The following FOCAD variants were observed in gnomAD, a reference collection of about 807,000 sequenced individuals.
FOCAD encodes KIAA1797.
In FOCAD, 198 loss-of-function variants were observed where a neutral mutation model predicts 225.6. That is an observed-to-expected ratio of 0.88 (90% CI 0.78 to 0.99). The LOEUF (loss-of-function observed/expected upper bound fraction) is 0.99. Among genes scored for constraint, FOCAD ranks in the 50% least tolerant of loss-of-function variants. FOCAD has a pLI of 0.00. For synonymous variants in FOCAD, 897 were observed against 755.0 expected, an observed-to-expected ratio of 1.19 and a Z score of -3.08; for missense variants, 2,713 against 2,123.6, an observed-to-expected ratio of 1.28 and a Z score of -5.46.
At chr9:20,905,129 T>A (rs533134298) in intron 21 of FOCAD, among the ~76,000 whole-genome samples, 2 of 151,972 alleles carry the variant, frequency 1.3e-5, no homozygotes, top group Non-Finnish European at 2.9e-5. Flanking sequence ...GCTGACTCCA[T>A]AGAACACTAA....
rs575580021 is a variant in FOCAD, at chr9:20,684,259, A to G, written c.-67A>G. ...GGCGGCGGGGCGGGCCACGTCAGGC[A>G]GCCGGCGCTGGGCTGAGCTTGTGGC... On this transcript the variant is annotated 5_prime_UTR_variant, in exon 1 of 44. Transcript: ENST00000338382. 1.0e-4 allele frequency: 16 copies of G among 152,564 alleles called. No individual in the cohort carries two copies. In the East Asian group the frequency reaches 2.9e-3, roughly 28 times the overall value. 9.5% of individuals were successfully genotyped at this position (152,564 alleles called of 1,614,324 possible).
At chr9:20,822,278 C>T (rs1477790145) in intron 14 of FOCAD, among the ~76,000 whole-genome samples, 2 of 151,872 alleles carry the variant, frequency 1.3e-5, no homozygotes, top group Non-Finnish European at 2.9e-5. Flanking sequence ...GACAGTGAAA[C>T]AATAGATTTC....
intron 28 of FOCAD, among the ~76,000 whole-genome samples, chr9:20,935,331 C>T (rs1013978281): frequency 1.3e-5 from 2 of 152,120 alleles, no homozygotes; most frequent in Non-Finnish European, 2.9e-5. Context: ...TTTTGACTTA[C>T]GTTTATCATA....
chr9:20,769,162 C>A (rs369168259), intron 7 of FOCAD, among the ~76,000 whole-genome samples: 2 of 152,028 alleles, frequency 1.3e-5, no homozygotes, highest in African/African-American at 4.8e-5. Flanking sequence ...TCTGCTATTT[C>A]TTCTCTTTGA....
intron 15 of FOCAD, among the ~76,000 whole-genome samples, chr9:20,830,624 A>G (rs527949027): frequency 2.6e-4 from 40 of 152,088 alleles, no homozygotes; most frequent in Non-Finnish European, 5.3e-4. Flanking sequence ...GAATGAAAAT[A>G]TTAGTAATCA....
At chr9:20,941,419 A>G (rs1188888987) in intron 28 of FOCAD, among the ~76,000 whole-genome samples, 1 of 152,232 alleles carries the variant, frequency 6.6e-6, no homozygotes, top group African/African-American at 2.4e-5. Flanking sequence ...AAAGCGCTAT[A>G]TAAATGTTAA....
chr9:20,748,000 C>T (rs1032884961), intron 5 of FOCAD, among the ~76,000 whole-genome samples: 7 of 151,516 alleles, frequency 4.6e-5, no homozygotes, highest in Non-Finnish European at 8.8e-5. Context: ...TTAAAAAAAT[C>T]GACGATCAGC....
intron 13 of FOCAD, 29 bp downstream of exon 13, chr9:20,820,454 A>G (rs1824199648): frequency 3.8e-6 from 6 of 1,558,770 alleles, no homozygotes; most frequent in Non-Finnish European, 4.4e-6. Flanking sequence ...TTGCATGAGT[A>G]TTAAATATGT....
intron 2 of FOCAD, among the ~76,000 whole-genome samples, chr9:20,666,125 C>G (rs1821893982): frequency 6.6e-6 from 1 of 152,096 alleles, no homozygotes; most frequent in Non-Finnish European, 1.5e-5. Flanking sequence ...AAGGATGGGT[C>G]AGAAGACTGC....
At chr9:20,752,522 C>T (rs1336317824) in intron 5 of FOCAD, among the ~76,000 whole-genome samples, 1 of 152,166 alleles carries the variant, frequency 6.6e-6, no homozygotes, top group East Asian at 1.9e-4. Context: ...ATCTATATCT[C>T]TGTTTTGGTA....
At chr9:20,826,017 T>G (rs942432378) in intron 15 of FOCAD, among the ~76,000 whole-genome samples, 1 of 152,084 alleles carries the variant, frequency 6.6e-6, no homozygotes, top group African/African-American at 2.4e-5. Flanking sequence ...GCTGTTGATG[T>G]ATTGATTTGG....
chr9:20,882,075 A>G lies in FOCAD; in HGVS notation c.2503+19A>G, dbSNP rs761869347. On this transcript the variant is annotated intron_variant, in intron 20 of 43. Coordinates refer to ENST00000338382, the MANE Select transcript of FOCAD (RefSeq NM_001375567.1). ...CTTGCAGGTAAGGGTAGTACATAGTATCAAAAATACAGGTTTTTCATGTAA... is the reference window on the plus strand; with the variant it reads ...CTTGCAGGTAAGGGTAGTACATAGTGTCAAAAATACAGGTTTTTCATGTAA... 2.5e-6 allele frequency: 4 copies of G among 1,587,270 alleles called. No individual in the cohort carries two copies. Among genetic ancestry groups the G allele is most frequent in the African/African-American group, 2.7e-5 (2 of 73,150 alleles).
chr9:20,682,458 G>A (rs182927197), upstream of FOCAD, among the ~76,000 whole-genome samples: 1 of 152,250 alleles, frequency 6.6e-6, no homozygotes, highest in East Asian at 1.9e-4. Flanking sequence ...CTGTACTTCA[G>A]GTTCCTTATT....
In FOCAD at chr9:20,809,339, G is replaced by A. The variant is rs1293068924; in HGVS notation, c.1456-10457G>A. On this transcript the variant is annotated intron_variant, in intron 11 of 43. Coordinates refer to ENST00000338382, the MANE Select transcript of FOCAD (RefSeq NM_001375567.1). The stretch of plus-strand genomic sequence containing the variant: ...TTTATGTGGTAACCACTAGTCACAT[G>A]TAACTATTAAGCCCTTGAAATTTGG... 2.6e-5 allele frequency among the ~76,000 whole-genome samples: 4 copies of A among 152,304 alleles called. No individual in the cohort carries two copies. The South Asian group carries it at 6.2e-4, about 24-fold the overall frequency.
chr9:20,679,243 G>T (rs1294387586), intron 2 of FOCAD, among the ~76,000 whole-genome samples: 7 of 147,606 alleles, frequency 4.7e-5, no homozygotes, highest in Non-Finnish European at 1.0e-4. Context: ...AAGAACTTTC[G>T]CTTTTACTTA....
chr9:20,714,956 A>G (rs1586923134), intron 1 of FOCAD, among the ~76,000 whole-genome samples: 1 of 152,284 alleles, frequency 6.6e-6, no homozygotes, highest in East Asian at 1.9e-4. Context: ...AAGTAATTTT[A>G]TGACCGTTTG....
At chr9:20,917,684 G>A (rs1833989613) in intron 24 of FOCAD, among the ~76,000 whole-genome samples, 1 of 151,964 alleles carries the variant, frequency 6.6e-6, no homozygotes, top group African/African-American at 2.4e-5. Flanking sequence ...CTTTGACCTA[G>A]AGGATTTCAT....
chr9:20,739,653 A>G (rs943131697), intron 4 of FOCAD, among the ~76,000 whole-genome samples: 1 of 151,572 alleles, frequency 6.6e-6, no homozygotes, highest in African/African-American at 2.4e-5. Flanking sequence ...TGAGTTTTTT[A>G]TTTCTAAGAT....
chr9:20,826,270 A>G (rs1824881060), intron 15 of FOCAD, among the ~76,000 whole-genome samples: 1 of 152,070 alleles, frequency 6.6e-6, no homozygotes, highest in African/African-American at 2.4e-5. Context: ...CAGCATGACT[A>G]GAGTAAAGCC....
Sources: allele counts gnomAD v4.1 joint callset (sites outside exome capture counted in the v4.1 genomes callset), GRCh38; gene constraint gnomAD v4.1.1; transcripts MANE v1.5; gene names NCBI Gene and HGNC (gene_info 2026-07-23, HGNC 2026-07-21).